OBP2A: variants seen among roughly 807,000 people sequenced by gnomAD.
The protein encoded by OBP2A is odorant-binding protein 2a.
OBP2A carries 15 observed loss-of-function variants against 21.9 expected under a neutral mutation model. The observed-to-expected ratio is 0.69, with a 90% CI of 0.46 to 1.06. OBP2A has a LOEUF of 1.06. OBP2A is among the 50% of genes least tolerant of loss of function. The pLI is 0.00. For synonymous variants in OBP2A, 86 were observed against 91.8 expected, an observed-to-expected ratio of 0.94 and a Z score of 0.36; for missense variants, 192 against 220.1, an observed-to-expected ratio of 0.87 and a Z score of 0.81.
chr9:135,548,596 G>C (rs553616509), intron 4 of OBP2A, 112 bp from the exon 5 acceptor site: 15 of 1,512,322 alleles, frequency 9.9e-6, no homozygotes, highest in Admixed American at 2.0e-5. Flanking sequence ...ATCCACTCTC[G>C]GGCCTCTCCC....
At chr9:135,549,741 C>T (rs1832072158) in intron 6 of OBP2A, 96 bp from the exon 7 acceptor site, 3 of 796,870 alleles carry the variant, frequency 3.8e-6, no homozygotes, top group East Asian at 2.8e-5. Flanking sequence ...CAGCAGTGGC[C>T]GATGTGGAAG....
rs3827836 is a variant in OBP2A at position 135,548,817 on chromosome 9, C to T, written c.490+8C>T. 17,713 of 1,612,794 alleles carry T rather than the reference C, an allele frequency of 0.011. 132 individuals carry two copies. Among genetic ancestry groups the T allele is most frequent in the East Asian group, 0.019 (868 of 44,854 alleles). On this transcript the variant is annotated splice_region_variant and intron_variant, in intron 5 of 6. Coordinates refer to ENST00000371776, the MANE Select transcript of OBP2A (RefSeq NM_014582.3). ...TCATGCCCCTGCAGACGGGTGAGGA[C>T]GGCTGTGCCCAGTACCCCGTGTTCC...
chr9:135,548,074 GA>G (rs1832000313), intron 4 of OBP2A, 93 bp downstream of exon 4: 9 of 897,218 alleles, frequency 1.0e-5, no homozygotes, highest in East Asian at 2.7e-5. Context: ...GGCACGGGGG[GA>G]AAAGGAAGCC....
rs1356520595 is a variant in OBP2A, at chr9:135,549,201, G to A, written c.491-107G>A. ...GCTGCGATGGGGTCTGGGGCTCCGCGCTCTGGGCTGCGATGGGGTCTGGGG... is the reference window on the plus strand; with the variant it reads ...GCTGCGATGGGGTCTGGGGCTCCGCACTCTGGGCTGCGATGGGGTCTGGGG... On this transcript the variant is annotated intron_variant, in intron 5 of 6. Transcript: ENST00000371776. The A allele has an allele frequency of 2.2e-5, 19 of 877,224 alleles. 2 individuals carry two copies. Among genetic ancestry groups the A allele is most frequent in the Middle Eastern group, 2.7e-4 (1 of 3,672 alleles). 54.3% of individuals were successfully genotyped at this position (877,224 alleles called of 1,614,324 possible). A position where few individuals can be genotyped will look rare whatever the true frequency, so the allele number is the denominator to read the frequency against.
intron 5 of OBP2A, among the ~76,000 whole-genome samples, chr9:135,549,023 TG>T (rs1832040366): frequency 7.0e-6 from 1 of 142,994 alleles, no homozygotes; most frequent in Non-Finnish European, 1.5e-5. Context: ...TGGGCTGCGA[TG>T]GGGTCTGGGG....
At chr9:135,547,396 C>T (rs1206675528) in intron 3 of OBP2A, 148 bp downstream of exon 3, 22 of 938,148 alleles carry the variant, frequency 2.3e-5, no homozygotes, top group Non-Finnish European at 2.9e-5. Flanking sequence ...TCCTGGGGGG[C>T]TGGTGGCCCT....
Position 135,547,262 on chromosome 9 carries a change from C to G in OBP2A, c.277+14C>G. The G allele has an allele frequency of 6.2e-7, 1 of 1,613,398 alleles. No homozygotes were observed. The highest frequency in any genetic ancestry group is 1.3e-5 in the African/African-American group (1 of 75,008). On this transcript the variant is annotated intron_variant, in intron 3 of 6. Transcript: ENST00000371776. ...AATTCAGCGCCTGTGAGCCCCTCCC[C>G]GACCCCCCACTCCCCATGCCCAACC...
chr9:135,547,264 A>AC lies in OBP2A; in HGVS notation c.277+22dup. ...TTCAGCGCCTGTGAGCCCCTCCCCG[A>AC]CCCCCCACTCCCCATGCCCAACCCC... On this transcript the variant is annotated intron_variant, in intron 3 of 6. Transcript: ENST00000371776. 3 of 1,610,756 alleles carry AC rather than the reference A, an allele frequency of 1.9e-6. No individual in the cohort carries two copies. Among genetic ancestry groups the AC allele is most frequent in the Non-Finnish European group, 2.5e-6 (3 of 1,178,506 alleles).
rs966392010 is a variant in OBP2A at position 135,547,066 on chromosome 9, T to TG, written c.207-105dup. 634 of 1,459,952 alleles carry TG rather than the reference T, an allele frequency of 4.3e-4. 15 individuals carry two copies. Among genetic ancestry groups the TG allele is most frequent in the Non-Finnish European group, 5.4e-4 (566 of 1,048,538 alleles). The allele number at this position is 1,459,952 out of a possible 1,614,324, so 90.4% of individuals were successfully genotyped here. On this transcript the variant is annotated intron_variant, in intron 2 of 6. Coordinates refer to ENST00000371776, the MANE Select transcript of OBP2A (RefSeq NM_014582.3). The stretch of plus-strand genomic sequence containing the variant: ...CAGGACATCCTGAAGCTCGGTGGGG[T>TG]GGGGGGGCAGTGGAATTTTCAGGTT...
chr9:135,548,054 A>G lies in OBP2A; in HGVS notation c.388+73A>G, dbSNP rs973193062. 4.4e-6 allele frequency: 5 copies of G among 1,127,358 alleles called. No homozygotes were observed. The African/African-American group carries it at 7.8e-5, about 18-fold the overall frequency. 69.8% of individuals were successfully genotyped at this position (1,127,358 alleles called of 1,614,324 possible). A position where few individuals can be genotyped will look rare whatever the true frequency, so the allele number is the denominator to read the frequency against. On this transcript the variant is annotated intron_variant, in intron 4 of 6. Coordinates refer to ENST00000371776, the MANE Select transcript of OBP2A (RefSeq NM_014582.3). Reference sequence around the variant, plus strand: ...TCCAGAAGCCAGTGGAACCACCATCATCACGCCCTGGCACGGGGGGAAAAG... The same window carrying G: ...TCCAGAAGCCAGTGGAACCACCATCGTCACGCCCTGGCACGGGGGGAAAAG...
rs747782939 is a variant in OBP2A at position 135,548,710 on chromosome 9, A to G, written c.391A>G (p.Arg131Gly). The G allele has an allele frequency of 3.7e-6, 6 of 1,613,780 alleles. No homozygotes were observed. Among genetic ancestry groups the G allele is most frequent in the Non-Finnish European group, 5.1e-6 (6 of 1,179,738 alleles). Residue 131 changes from arginine to glycine, a missense_variant and splice_region_variant, in exon 5 of 7, where the codon AGG becomes GGG. Arg to Gly is a moderately radical substitution (Grantham distance 125). Coordinates refer to ENST00000371776, the MANE Select transcript of OBP2A (RefSeq NM_014582.3). ...TCACCTGGCCACCTCACCTGCAGGT[A>G]GGAATCCTAATACCAACCTGGAGGC... is the stretch of plus-strand genomic sequence containing the variant. The part of the protein sequence containing the change: ...GLRYMGKLVG[R>G]NPNTNLEALE...
At chr9:135,547,410 A>G (rs1676319116) in intron 3 of OBP2A, among the ~76,000 whole-genome samples, 162 bp downstream of exon 3, 2 of 152,172 alleles carry the variant, frequency 1.3e-5, no homozygotes, top group African/African-American at 4.8e-5. Context: ...TGGCCCTGAC[A>G]TCAGACACCA....
chr9:135,546,588 G>C (rs945877072), intron 1 of OBP2A, among the ~76,000 whole-genome samples, 190 bp from the exon 2 acceptor site: 91 of 152,002 alleles, frequency 6.0e-4, no homozygotes, highest in Non-Finnish European at 1.3e-4. Flanking sequence ...CTGGGGGCTG[G>C]GAGCCCTGAG....
rs186366183 is a variant in OBP2A, at chr9:135,549,008, C to A, written c.490+199C>A. Among the ~76,000 whole-genome samples the A allele has an allele frequency of 9.0e-4, 121 of 135,074 alleles. 7 individuals are homozygous for A. Among genetic ancestry groups the A allele is most frequent in the African/African-American group, 3.7e-3 (114 of 30,918 alleles). 88.6% of individuals were successfully genotyped at this position (135,074 alleles called of 152,430 possible). On this transcript the variant is annotated intron_variant, in intron 5 of 6. Coordinates refer to ENST00000371776, the MANE Select transcript of OBP2A (RefSeq NM_014582.3). ...GGCTGCGATGCGGTCTGGGGCTCCGCGCTCTGGGCTGCGATGGGGTCTGGG... is the reference window on the plus strand; with the variant it reads ...GGCTGCGATGCGGTCTGGGGCTCCGAGCTCTGGGCTGCGATGGGGTCTGGG...
At chr9:135,549,718 C>T (rs59921683) in intron 6 of OBP2A, 119 bp from the exon 7 acceptor site, 144,255 of 654,752 alleles carry the variant, frequency 0.22, 17,637 homozygotes, top group Non-Finnish European at 0.25. Context: ...TGCTCTGGAG[C>T]CCCGAGGCTG....
rs1460516982 is a variant in OBP2A, at chr9:135,549,906, C to G, written c.*71C>G. 1 of 1,548,656 alleles carries G rather than the reference C, an allele frequency of 6.5e-7. No individual in the cohort carries two copies. The highest frequency in any genetic ancestry group is 2.5e-5 in the East Asian group (1 of 40,682). On this transcript the variant is annotated 3_prime_UTR_variant, in exon 7 of 7. Coordinates refer to ENST00000371776, the MANE Select transcript of OBP2A (RefSeq NM_014582.3). ...ACAGAGCCCGGACCACCTGGACCTA[C>G]CCTCCAGCCATGACCCTTCCCTGCT...
chr9:135,548,720 A>T lies in OBP2A; in HGVS notation c.401A>T (p.Asn134Ile), dbSNP rs1216908805. 6.2e-7 allele frequency: 1 copy of T among 1,613,954 alleles called. No homozygotes were observed. Among genetic ancestry groups the T allele is most frequent in the Non-Finnish European group, 8.5e-7 (1 of 1,179,944 alleles). The part of the protein sequence containing the change: ...YMGKLVGRNP[N>I]TNLEALEEFK... ...ACCTCACCTGCAGGTAGGAATCCTA[A>T]TACCAACCTGGAGGCCCTGGAAGAA... The change falls in exon 5 of 7, where the codon AAT becomes ATT. Residue 134 changes from asparagine (N) to isoleucine (I), a missense_variant. Physicochemically the swap from Asn to Ile is moderately radical, Grantham distance 149. Transcript: ENST00000371776.
chr9:135,547,344 G>C (rs62578296), intron 3 of OBP2A, 96 bp downstream of exon 3: 6 of 1,389,602 alleles, frequency 4.3e-6, no homozygotes, highest in Admixed American at 1.8e-5. Flanking sequence ...TTCTGCCAGG[G>C]TCCCAGCCCT....
intron 4 of OBP2A, 111 bp downstream of exon 4, chr9:135,548,092 G>A (rs567748111): frequency 2.4e-5 from 18 of 751,904 alleles, no homozygotes; most frequent in African/African-American, 7.1e-5. Context: ...AGCCCCCTGC[G>A]CCGGCCTTCG....
Sources: allele counts gnomAD v4.1 joint callset (sites outside exome capture counted in the v4.1 genomes callset), GRCh38; gene constraint gnomAD v4.1.1; transcripts MANE v1.5; gene names NCBI Gene and HGNC (gene_info 2026-07-23, HGNC 2026-07-21).